Variants in MGAT4A observed in about 807,000 individuals in gnomAD.
MGAT4A encodes the protein N-acetylglucosaminyltransferase IVa.
Under a neutral mutation model 74.1 loss-of-function variants are expected in MGAT4A, and 33 were observed. The observed-to-expected ratio is 0.45, with a 90% CI of 0.34 to 0.60. The LOEUF is 0.60. Among genes scored for constraint, MGAT4A ranks in the 20% least tolerant of loss-of-function variants. The probability of loss-of-function intolerance (pLI) is 0.02; values close to 1 mark genes in which losing one functional copy is unlikely to be tolerated. For synonymous variants in MGAT4A, 198 were observed against 210.4 expected (o/e 0.94, Z 0.51); for missense variants, 479 against 628.3 (o/e 0.76, Z 2.54).
In MGAT4A at chr2:98,625,123, T is replaced by A. The variant is rs1701125177; in HGVS notation, c.*443A>T. 5.8e-6 allele frequency: 5 copies of A among 862,150 alleles called. No homozygotes were observed. Among genetic ancestry groups the A allele is most frequent in the Non-Finnish European group, 7.0e-6 (5 of 717,882 alleles). The allele number at this position is 862,150 out of a possible 1,614,324, so 53.4% of individuals were successfully genotyped here. ...TCTTAAGTGTTTCTAATAAATTAAT[T>A]CCATAACATTTTTATGTATATTTAT... On this transcript the variant is annotated 3_prime_UTR_variant, in exon 16 of 16. Coordinates refer to ENST00000393487, the MANE Select transcript of MGAT4A (RefSeq NM_012214.3).
At chr2:98,668,149 G>A (rs1479048582) in intron 4 of MGAT4A, among the ~76,000 whole-genome samples, 2 of 152,222 alleles carry the variant, frequency 1.3e-5, no homozygotes, top group African/African-American at 4.8e-5. Context: ...AAGTAATGAG[G>A]AACTGAATGG....
chr2:98,726,028 A>G, intron 2 of MGAT4A: 1 of 476,560 alleles, frequency 2.1e-6, no homozygotes, highest in Non-Finnish European at 3.7e-6. Flanking sequence ...TACAATTATA[A>G]GAAACTGAAA....
intron 10 of MGAT4A, among the ~76,000 whole-genome samples, chr2:98,642,204 G>A (rs1701421050): frequency 6.6e-6 from 1 of 152,146 alleles, no homozygotes; most frequent in African/African-American, 2.4e-5. Flanking sequence ...AAGGGCAAGA[G>A]AGAGAGAAGA....
Position 98,622,863 on chromosome 2 carries a change from G to C in MGAT4A, c.*2703C>G, listed in dbSNP as rs1247919628. On this transcript the variant is annotated 3_prime_UTR_variant, in exon 16 of 16. Coordinates refer to ENST00000393487, the MANE Select transcript of MGAT4A (RefSeq NM_012214.3). ...ACAGCAGGGAGAGGGAGTTAAGAGA[G>C]AGAAAGGGGGCTGGACATGGTGGCA... 2 of 985,648 alleles carry C rather than the reference G, an allele frequency of 2.0e-6. No individual in the cohort carries two copies. Among genetic ancestry groups the C allele is most frequent in the African/African-American group, 1.7e-5 (1 of 57,222 alleles). 61.1% of individuals were successfully genotyped at this position (985,648 alleles called of 1,614,324 possible).
Position 98,625,337 on chromosome 2 carries a change from G to A in MGAT4A, c.*229C>T, listed in dbSNP as rs1701128214. 1 of 1,306,344 alleles carries A rather than the reference G, an allele frequency of 7.7e-7. No individual in the cohort carries two copies. The highest frequency in any genetic ancestry group is 3.0e-5 in the East Asian group (1 of 33,530). 80.9% of individuals were successfully genotyped at this position (1,306,344 alleles called of 1,614,324 possible). A position where few individuals can be genotyped will look rare whatever the true frequency, so the allele number is the denominator to read the frequency against. Reference sequence around the variant, plus strand: ...AAAATAGTACAAGTCATATTAACAGGCTGTCATAATTGAAAAATGTTTGAG... The same window carrying A: ...AAAATAGTACAAGTCATATTAACAGACTGTCATAATTGAAAAATGTTTGAG... On this transcript the variant is annotated 3_prime_UTR_variant, in exon 16 of 16. Coordinates refer to ENST00000393487, the MANE Select transcript of MGAT4A (RefSeq NM_012214.3).
rs1701123435 is a variant in MGAT4A at position 98,625,008 on chromosome 2, A to G, written c.*558T>C. ...TGGTTTGTAATGTTTGCATTTCCAA[A>G]GAAAAATATAGAAAGAACTTAAAAA... On this transcript the variant is annotated 3_prime_UTR_variant, in exon 16 of 16. Transcript: ENST00000393487. The G allele has an allele frequency of 1.0e-6, 1 of 984,104 alleles. No individual in the cohort carries two copies. The highest frequency in any genetic ancestry group is 1.7e-5 in the African/African-American group (1 of 57,216). The allele number at this position is 984,104 out of a possible 1,614,324, so 61.0% of individuals were successfully genotyped here.
Position 98,624,070 on chromosome 2 carries a change from T to G in MGAT4A, c.*1496A>C. 2 of 955,458 alleles carry G rather than the reference T, an allele frequency of 2.1e-6. No homozygotes were observed. The highest frequency in any genetic ancestry group is 9.7e-5 in the South Asian group (2 of 20,720). The allele number at this position is 955,458 out of a possible 1,614,324, so 59.2% of individuals were successfully genotyped here. On this transcript the variant is annotated 3_prime_UTR_variant, in exon 16 of 16. Transcript: ENST00000393487. ...CTGTGTCGCCCAGGCTGGAGTGCAG[T>G]GGTGCGATCTCAGCTCACTGCCAGC...
intron 2 of MGAT4A, among the ~76,000 whole-genome samples, chr2:98,718,955 A>G (rs1328232499): frequency 6.6e-6 from 1 of 152,184 alleles, no homozygotes; most frequent in Non-Finnish European, 1.5e-5. Flanking sequence ...CATTATCCTC[A>G]GTCCCACCTC....
chr2:98,661,930 T>A (rs1264510226), intron 5 of MGAT4A, among the ~76,000 whole-genome samples: 4 of 35,496 alleles, frequency 1.1e-4, no homozygotes, highest in Non-Finnish European at 1.3e-4. Flanking sequence ...AATATAATCA[T>A]GAGAAAATAT....
intron 1 of MGAT4A, among the ~76,000 whole-genome samples, chr2:98,729,439 G>T (rs1338758148): frequency 6.6e-6 from 1 of 152,110 alleles, no homozygotes; most frequent in East Asian, 1.9e-4. Context: ...TAAGACACAG[G>T]TGACCCACAT....
At chr2:98,708,231 G>A (rs752722942) in intron 2 of MGAT4A, among the ~76,000 whole-genome samples, 4 of 151,984 alleles carry the variant, frequency 2.6e-5, no homozygotes, top group Non-Finnish European at 5.9e-5. Context: ...GCCTCCCAAA[G>A]TGCTGGGATT....
At chr2:98,706,084 A>G (rs1016325928) in intron 2 of MGAT4A, among the ~76,000 whole-genome samples, 1 of 152,208 alleles carries the variant, frequency 6.6e-6, no homozygotes. Flanking sequence ...ATAGTAACAC[A>G]GAGGTTTTGA....
chr2:98,703,045 G>A (rs144883878), intron 2 of MGAT4A, among the ~76,000 whole-genome samples: 1,722 of 152,336 alleles, frequency 0.011, 17 homozygotes, highest in Middle Eastern at 0.031. Flanking sequence ...CTGGCAGTCA[G>A]TGGAAGTGGT....
At chr2:98,724,281 C>G (rs1292638191) in intron 2 of MGAT4A, among the ~76,000 whole-genome samples, 1 of 152,172 alleles carries the variant, frequency 6.6e-6, no homozygotes, top group African/African-American at 2.4e-5. Context: ...AAAATCAGAG[C>G]ACGTGGTTTA....
At chr2:98,719,677 G>C (rs1702638279) in intron 2 of MGAT4A, among the ~76,000 whole-genome samples, 1 of 152,120 alleles carries the variant, frequency 6.6e-6, no homozygotes, top group Non-Finnish European at 1.5e-5. Flanking sequence ...ATGGAGTCTA[G>C]CTCTGTCACC....
At chr2:98,664,289 G>A (rs1247857285) in intron 4 of MGAT4A, among the ~76,000 whole-genome samples, 1 of 146,722 alleles carries the variant, frequency 6.8e-6, no homozygotes, top group African/African-American at 2.5e-5. Flanking sequence ...TACAGTCAAT[G>A]TTCCTATAAT....
chr2:98,713,396 T>C (rs2104327568), intron 2 of MGAT4A, among the ~76,000 whole-genome samples: 1 of 150,586 alleles, frequency 6.6e-6, no homozygotes, highest in South Asian at 2.1e-4. Flanking sequence ...TCCCAAAAAC[T>C]AAATTCTTGC....
At chr2:98,709,176 CTAAA>C (rs373417198) in intron 2 of MGAT4A, among the ~76,000 whole-genome samples, 108 of 152,266 alleles carry the variant, frequency 7.1e-4, no homozygotes, top group African/African-American at 2.6e-3. Context: ...GTAGTGTGGA[CTAAA>C]TGAGACCACG....
At position 98,635,225 on chromosome 2, in the gene MGAT4A, T is replaced by G. The variant is rs777212121; in HGVS notation, c.1465A>C (p.Ile489Leu). 3.1e-6 allele frequency: 5 copies of G among 1,606,642 alleles called. No homozygotes were observed. In the South Asian group the frequency reaches 5.5e-5, roughly 18 times the overall value. ...ATTTTACTAAAGTAGATATTACCTA[T>G]TCTGAAATAGCCATCTTCTAATCGT... ...DKRLEDGYFR[I>L]GKFENGVAEG... The change falls in exon 14 of 16, where the codon ATA (isoleucine) becomes CTA (leucine). Residue 489 changes from isoleucine (I) to leucine (L), a missense_variant. This residue lies in a region of MGAT4A where 236 missense variants were observed against 308.2 expected (regional missense o/e 0.77). Coordinates refer to ENST00000393487, the MANE Select transcript of MGAT4A (RefSeq NM_012214.3).
Sources: allele counts gnomAD v4.1 joint callset (sites outside exome capture counted in the v4.1 genomes callset), GRCh38; gene constraint gnomAD v4.1.1; regional missense constraint gnomAD v4.1.1; transcripts MANE v1.5; gene names NCBI Gene and HGNC (gene_info 2026-07-23, HGNC 2026-07-21).